Variants in SULT2A1 observed in about 807,000 individuals in gnomAD.
SULT2A1 encodes the protein sulfotransferase family 2A member 1, also known as sulfotransferase 2A1.
In SULT2A1, 43 loss-of-function variants were observed where a neutral mutation model predicts 33.9. The observed-to-expected ratio is 1.27, with a 90% CI of 1.00 to 1.64. SULT2A1 has a LOEUF of 1.64. Ranked by LOEUF, SULT2A1 falls within the 40% of genes most tolerant of loss-of-function variation. The pLI is 0.00. For synonymous variants in SULT2A1, 125 were observed against 113.6 expected (o/e 1.10, Z -0.64); for missense variants, 300 against 335.1 (o/e 0.90, Z 0.82).
intron 4 of SULT2A1, among the ~76,000 whole-genome samples, chr19:47,876,851 T>C (rs1968549386): frequency 6.7e-6 from 1 of 148,868 alleles, no homozygotes; most frequent in African/African-American, 2.5e-5. Context: ...TACGGGAGGA[T>C]TGCCTGAGCT....
chr19:47,875,045 C>A (rs545718629), intron 4 of SULT2A1, among the ~76,000 whole-genome samples: 2 of 150,014 alleles, frequency 1.3e-5, no homozygotes, highest in Non-Finnish European at 3.0e-5. Flanking sequence ...GCCGGTAATC[C>A]CAGCTACTCG....
intron 4 of SULT2A1, among the ~76,000 whole-genome samples, chr19:47,876,870 C>T (rs1432023364): frequency 1.3e-5 from 2 of 149,892 alleles, no homozygotes; most frequent in Non-Finnish European, 3.0e-5. Context: ...CTCAGGAGTT[C>T]GAGACCAGCC....
chr19:47,871,693 C>T lies in SULT2A1; in HGVS notation c.746-126G>A, dbSNP rs62129966. 3.6e-3 allele frequency: 2,368 copies of T among 661,936 alleles called. 45 individuals are homozygous for T. The Admixed American group carries it at 0.036, about 10-fold the overall frequency. The allele number at this position is 661,936 out of a possible 1,614,324, so 41.0% of individuals were successfully genotyped here. On this transcript the variant is annotated intron_variant, in intron 5 of 5. Transcript: ENST00000222002. ...CCGATGGTTCGTGGTGGGCCTTTAT[C>T]CTGCCTGGTCACATAGTTATTCACC...
intron 4 of SULT2A1, among the ~76,000 whole-genome samples, chr19:47,877,525 A>G (rs1202709029): frequency 1.4e-5 from 2 of 146,614 alleles, no homozygotes; most frequent in Admixed American, 1.4e-4. Flanking sequence ...CAGGTGTGAG[A>G]CACCGTGCCC....
chr19:47,877,270 T>C (rs1968555665), intron 4 of SULT2A1, among the ~76,000 whole-genome samples: 1 of 150,352 alleles, frequency 6.7e-6, no homozygotes, highest in African/African-American at 2.4e-5. Context: ...GGAGTCTTGC[T>C]CTGTTGCCCA....
chr19:47,875,636 T>TCAAAAA (rs1229251175), intron 4 of SULT2A1, among the ~76,000 whole-genome samples: 7 of 151,958 alleles, frequency 4.6e-5, no homozygotes, highest in African/African-American at 9.7e-5. Context: ...AGACCCTGTC[T>TCAAAAA]CAAAAACAAA....
chr19:47,877,891 G>A lies in SULT2A1; in HGVS notation c.567+1145C>T, dbSNP rs187197719. Among the ~76,000 whole-genome samples the A allele has an allele frequency of 1.3e-3, 196 of 152,216 alleles. 1 individual carries two copies. The highest frequency in any genetic ancestry group is 4.2e-3 in the African/African-American group (175 of 41,534). On this transcript the variant is annotated intron_variant, in intron 4 of 5. Transcript: ENST00000222002. ...ATACTTGCTGGTTCTGAGTATCATC[G>A]GACAGCTTTTCCTCTCCGTCACTAT... is the stretch of plus-strand genomic sequence containing the variant.
chr19:47,877,207 C>T (rs1360504498), intron 4 of SULT2A1, among the ~76,000 whole-genome samples: 1 of 140,428 alleles, frequency 7.1e-6, no homozygotes, highest in African/African-American at 2.6e-5. Context: ...GTGTTATTTT[C>T]TCTTTTATGT....
intron 1 of SULT2A1, 39 bp from the exon 2 acceptor site, chr19:47,883,824 C>A: frequency 1.3e-6 from 2 of 1,582,572 alleles, no homozygotes; most frequent in Middle Eastern, 1.9e-4. Flanking sequence ...AATGTACCAT[C>A]TCAGCCGGAC....
intron 4 of SULT2A1, 108 bp downstream of exon 4, chr19:47,878,928 A>C: frequency 1.3e-6 from 1 of 771,012 alleles, no homozygotes; most frequent in Non-Finnish European, 2.3e-6. Flanking sequence ...ACCAGGCTCC[A>C]CTTTAACTGA....
intron 5 of SULT2A1, among the ~76,000 whole-genome samples, chr19:47,872,262 A>G (rs2122139378): frequency 6.6e-6 from 1 of 152,226 alleles, no homozygotes; most frequent in Non-Finnish European, 1.5e-5. Context: ...TAGTCTCAGC[A>G]TGGCAGCCCT....
chr19:47,879,508 G>A (rs551838351), intron 3 of SULT2A1, among the ~76,000 whole-genome samples: 4 of 152,172 alleles, frequency 2.6e-5, no homozygotes, highest in South Asian at 2.1e-4. Context: ...GCAGGAGGGA[G>A]GAGTGAGTGC....
At chr19:47,878,878 A>G (rs1968574447) in intron 4 of SULT2A1, among the ~76,000 whole-genome samples, 158 bp downstream of exon 4, 1 of 152,136 alleles carries the variant, frequency 6.6e-6, no homozygotes, top group South Asian at 2.1e-4. Context: ...AAACAGGGCA[A>G]TGAAGACCAG....
At chr19:47,881,567 C>A (rs376241204) in intron 3 of SULT2A1, among the ~76,000 whole-genome samples, 18 of 152,198 alleles carry the variant, frequency 1.2e-4, no homozygotes, top group African/African-American at 4.1e-4. Context: ...AGAGACACAT[C>A]ACAGCTGAGA....
In SULT2A1 at chr19:47,871,472, G is replaced by C; in HGVS notation, c.841C>G (p.Leu281Val). ...TTTGGACGTTATTCCCATGGGAACA[G>C]CTCTCGAGGAAGATCTGCCATCTTC... ...QEKMADLPRE[L>V]FPWE The change falls in exon 6 of 6, where the codon CTG becomes GTG. Residue 281 changes from leucine (L) to valine (V), a missense_variant. Coordinates refer to ENST00000222002, the MANE Select transcript of SULT2A1 (RefSeq NM_003167.4). 1 of 1,613,692 alleles carries C rather than the reference G, an allele frequency of 6.2e-7. No individual in the cohort carries two copies.
intron 1 of SULT2A1, among the ~76,000 whole-genome samples, chr19:47,884,696 A>G (rs957748178): frequency 2.7e-5 from 4 of 147,636 alleles, no homozygotes; most frequent in South Asian, 4.3e-4. Flanking sequence ...AGGCCTTGCT[A>G]TGTTGCCCAG....
chr19:47,883,818 T>C, intron 1 of SULT2A1, 33 bp from the exon 2 acceptor site: 1 of 1,597,204 alleles, frequency 6.3e-7, no homozygotes, highest in East Asian at 2.2e-5. Flanking sequence ...ATATAAAATG[T>C]ACCATCTCAG....
intron 3 of SULT2A1, among the ~76,000 whole-genome samples, chr19:47,880,249 A>AAC (rs1239436106): frequency 6.6e-6 from 1 of 150,600 alleles, no homozygotes; most frequent in East Asian, 1.9e-4. Context: ...AAAAAAAAAA[A>AAC]AAAAAAAAAC....
Position 47,871,559 on chromosome 19 carries a change from C to T in SULT2A1, c.754G>A (p.Gly252Arg), listed in dbSNP as rs1426974048. Residue 252 changes from glycine (G) to arginine (R), a missense_variant, in exon 6 of 6, where the codon GGG (glycine) becomes AGG (arginine). Coordinates refer to ENST00000222002, the MANE Select transcript of SULT2A1 (RefSeq NM_003167.4). ...ACTGTGAAGTGATTTTTCCAGTCCC[C>T]AGATACACCTGGAAACAAGAAGCAG... ...KAQLLRKGVS[G>R]DWKNHFTVAQ... 9 of 1,612,658 alleles carry T rather than the reference C, an allele frequency of 5.6e-6. No individual in the cohort carries two copies. Among genetic ancestry groups the T allele is most frequent in the Non-Finnish European group, 7.6e-6 (9 of 1,178,788 alleles).
Sources: gnomAD v4.1 joint callset for allele counts (sites outside exome capture counted in the v4.1 genomes callset) on GRCh38, gnomAD v4.1.1 for gene constraint, MANE v1.5 for transcripts, NCBI Gene and HGNC (gene_info 2026-07-23, HGNC 2026-07-21) for gene names.